The following CRACD variants were observed in gnomAD, a reference collection of about 807,000 sequenced individuals.
The protein encoded by CRACD is capping protein-inhibiting regulator of actin dynamics.
Under a neutral mutation model 106.8 loss-of-function variants are expected in CRACD, and 56 were observed. The ratio of observed to expected loss-of-function variants is 0.52; its 90% CI spans 0.42 to 0.66. CRACD has a LOEUF of 0.66. Ranked by LOEUF, CRACD falls within the 30% of genes least tolerant of loss-of-function variation. The pLI is 0.00. For missense variants in CRACD, 1,730 were observed against 1,623.2 expected (o/e 1.07, Z -1.13); for synonymous variants, 754 against 670.8 (o/e 1.12, Z -1.92).
chr4:56,241,895 T>C lies in CRACD; in HGVS notation c.-188-30426T>C, dbSNP rs544902452. On this transcript the variant is annotated intron_variant, in intron 2 of 10. Coordinates refer to ENST00000682029, the MANE Select transcript of CRACD (RefSeq NM_001393381.1). ...GTACATGGCCTCACGTGAGCAAAACTAGGAGGCTGTAAGAAAGTCTGGTTC... is the reference window on the plus strand; with the variant it reads ...GTACATGGCCTCACGTGAGCAAAACCAGGAGGCTGTAAGAAAGTCTGGTTC... 5.9e-5 allele frequency among the ~76,000 whole-genome samples: 9 copies of C among 152,276 alleles called. No individual in the cohort carries two copies. The South Asian group carries it at 1.7e-3, about 28-fold the overall frequency.
chr4:56,199,161 G>A (rs193069695), intron 2 of CRACD, among the ~76,000 whole-genome samples: 2 of 152,238 alleles, frequency 1.3e-5, no homozygotes, highest in East Asian at 1.9e-4. Context: ...TTACACTGCC[G>A]TGGAAGGATG....
intron 1 of CRACD, among the ~76,000 whole-genome samples, chr4:56,067,415 A>T (rs1373594888): frequency 1.3e-5 from 2 of 152,210 alleles, no homozygotes; most frequent in Non-Finnish European, 2.9e-5. Flanking sequence ...ACTTCTTTGG[A>T]TCTGGATACC....
At chr4:56,320,297 A>C (rs1214391430) in intron 8 of CRACD, among the ~76,000 whole-genome samples, 2 of 152,168 alleles carry the variant, frequency 1.3e-5, no homozygotes, top group Non-Finnish European at 2.9e-5. Flanking sequence ...ATCCTTGCTC[A>C]TCTCCTCAGA....
chr4:56,088,878 A>G (rs1203973146), intron 1 of CRACD, among the ~76,000 whole-genome samples: 1 of 152,114 alleles, frequency 6.6e-6, no homozygotes, highest in South Asian at 2.1e-4. Context: ...GGTACCCACC[A>G]CCACGCCTGG....
intron 2 of CRACD, among the ~76,000 whole-genome samples, chr4:56,228,880 C>T (rs1432652800): frequency 1.3e-5 from 2 of 152,160 alleles, no homozygotes. Flanking sequence ...CTGTTTCAAT[C>T]CTGCCATTTA....
At chr4:56,197,955 G>T (rs1737699558) in intron 2 of CRACD, among the ~76,000 whole-genome samples, 1 of 152,108 alleles carries the variant, frequency 6.6e-6, no homozygotes, top group Non-Finnish European at 1.5e-5. Flanking sequence ...GGAATTACAG[G>T]CGTGAGCACC....
chr4:56,285,450 T>G (rs1053610593), intron 3 of CRACD, among the ~76,000 whole-genome samples: 5 of 152,102 alleles, frequency 3.3e-5, no homozygotes, highest in African/African-American at 1.2e-4. Context: ...ATAACTTTTT[T>G]TTTTTAAGAG....
Position 56,328,118 on chromosome 4 carries a change from C to T in CRACD, c.*314C>T. ...TGCCCATTTCATGGCCTTGCACACA[C>T]ACCCACCCACACACCATTCAGAACA... On this transcript the variant is annotated 3_prime_UTR_variant, in exon 11 of 11. Coordinates refer to ENST00000682029, the MANE Select transcript of CRACD (RefSeq NM_001393381.1). 2.7e-6 allele frequency: 1 copy of T among 372,014 alleles called. No individual in the cohort carries two copies. The highest frequency in any genetic ancestry group is 6.3e-5 in the East Asian group (1 of 15,760). The allele number at this position is 372,014 out of a possible 1,614,324, so 23.0% of individuals were successfully genotyped here.
At chr4:56,073,865 T>A (rs1224753579) in intron 1 of CRACD, among the ~76,000 whole-genome samples, 1 of 152,206 alleles carries the variant, frequency 6.6e-6, no homozygotes, top group Non-Finnish European at 1.5e-5. Flanking sequence ...TAATCCATCT[T>A]GAGTTAATTT....
At chr4:56,080,316 G>A (rs1417367022) in intron 1 of CRACD, among the ~76,000 whole-genome samples, 1 of 152,078 alleles carries the variant, frequency 6.6e-6, no homozygotes, top group African/African-American at 2.4e-5. Flanking sequence ...CCCATAAAAC[G>A]GTATTTTTTT....
intron 1 of CRACD, among the ~76,000 whole-genome samples, chr4:56,137,711 A>G (rs1182020965): frequency 1.3e-5 from 2 of 152,206 alleles, no homozygotes; most frequent in Admixed American, 1.3e-4. Flanking sequence ...TTATTTCACC[A>G]GCATGGTGGT....
rs1746634660 is a variant in CRACD, at chr4:56,328,882, T to C, written c.*1078T>C. Among the ~76,000 whole-genome samples the C allele has an allele frequency of 6.6e-6, 1 of 152,234 alleles. No individual in the cohort carries two copies. Among genetic ancestry groups the C allele is most frequent in the African/African-American group, 2.4e-5 (1 of 41,470 alleles). On this transcript the variant is annotated 3_prime_UTR_variant, in exon 11 of 11. Coordinates refer to ENST00000682029, the MANE Select transcript of CRACD (RefSeq NM_001393381.1). The stretch of plus-strand genomic sequence containing the variant: ...ACAAGAAGCAACAGGTTATTGACAT[T>C]ACATGTTTGAAAATTCCCTTTGGTC...
At chr4:56,203,041 C>T (rs888009110) in intron 2 of CRACD, among the ~76,000 whole-genome samples, 3 of 152,106 alleles carry the variant, frequency 2.0e-5, no homozygotes, top group Admixed American at 2.0e-4. Context: ...GAAAAATCAG[C>T]TTTGATAATG....
At chr4:56,218,473 T>A (rs1434335813) in intron 2 of CRACD, among the ~76,000 whole-genome samples, 2 of 113,534 alleles carry the variant, frequency 1.8e-5, no homozygotes, top group African/African-American at 3.4e-5. Context: ...CTGCCTTTCC[T>A]TCCCCTCCCT....
intron 1 of CRACD, among the ~76,000 whole-genome samples, chr4:56,125,145 A>T (rs1734616983): frequency 1.3e-5 from 2 of 152,192 alleles, no homozygotes; most frequent in Non-Finnish European, 2.9e-5. Context: ...GGACCATGTG[A>T]CTATCTTTGT....
intron 4 of CRACD, 86 bp from the exon 5 acceptor site, chr4:56,307,449 G>A: frequency 2.2e-6 from 3 of 1,362,700 alleles, no homozygotes; most frequent in Non-Finnish European, 3.1e-6. Flanking sequence ...ATGCCTCAGT[G>A]CTCACTAGAC....
intron 1 of CRACD, among the ~76,000 whole-genome samples, chr4:56,160,140 G>A (rs1054093437): frequency 6.6e-6 from 1 of 150,634 alleles, no homozygotes; most frequent in Admixed American, 6.6e-5. Context: ...TCTAATGTAA[G>A]CAATTATACC....
intron 1 of CRACD, among the ~76,000 whole-genome samples, chr4:56,125,246 TG>T (rs1734619151): frequency 6.6e-6 from 1 of 152,204 alleles, no homozygotes; most frequent in African/African-American, 2.4e-5. Flanking sequence ...TGCAAAATGT[TG>T]ATTTTTTTAA....
intron 2 of CRACD, among the ~76,000 whole-genome samples, chr4:56,195,980 T>C (rs1452817673): frequency 1.3e-5 from 2 of 152,198 alleles, no homozygotes; most frequent in Non-Finnish European, 2.9e-5. Flanking sequence ...GTATAAACAT[T>C]GCCTCTGTTA....
Sources: gnomAD v4.1 joint callset for allele counts (sites outside exome capture counted in the v4.1 genomes callset) on GRCh38, gnomAD v4.1.1 for gene constraint, MANE v1.5 for transcripts, NCBI Gene and HGNC (gene_info 2026-07-23, HGNC 2026-07-21) for gene names.